The following MCPH1 variants were observed in gnomAD, a reference collection of about 807,000 sequenced individuals.
The protein encoded by MCPH1 is microcephalin.
A neutral mutation model predicts 84.5 loss-of-function variants in MCPH1; 104 were observed. That is an observed-to-expected ratio of 1.23 (90% confidence interval 1.05 to 1.45). The LOEUF is 1.45. Among genes scored for constraint, MCPH1 ranks in the 40% most tolerant of loss-of-function variants. MCPH1 has a pLI of 0.00. For missense variants in MCPH1, 1,498 were observed against 1,005.7 expected, an observed-to-expected ratio of 1.49 and a Z score of -6.62; for synonymous variants, 514 against 366.8, an observed-to-expected ratio of 1.40 and a Z score of -4.58.
chr8:6,540,504 G>C (rs1482315975), intron 12 of MCPH1, among the ~76,000 whole-genome samples: 1 of 152,238 alleles, frequency 6.6e-6, no homozygotes, highest in Non-Finnish European at 1.5e-5. Context: ...ATGTCTGTGA[G>C]CGTGCAGCCT....
At chr8:6,447,428 T>G in intron 8 of MCPH1, 3 of 985,350 alleles carry the variant, frequency 3.0e-6, no homozygotes, top group Non-Finnish European at 3.6e-6. Context: ...CACTTTTACT[T>G]GTTGCTGTTG....
At chr8:6,533,576 T>C (rs1425344756) in intron 12 of MCPH1, among the ~76,000 whole-genome samples, 5 of 124,304 alleles carry the variant, frequency 4.0e-5, no homozygotes, top group African/African-American at 1.6e-4. Context: ...TTTCTTTTTT[T>C]TTTTTTTTTT....
intron 13 of MCPH1, chr8:6,627,284 G>A (rs761253062): frequency 4.5e-5 from 44 of 985,324 alleles, no homozygotes; most frequent in Middle Eastern, 5.2e-4. Context: ...GGAACCAGTC[G>A]CAGAGAGGGG....
intron 12 of MCPH1, among the ~76,000 whole-genome samples, chr8:6,586,429 C>T (rs983563963): frequency 6.6e-6 from 1 of 152,234 alleles, no homozygotes; most frequent in Non-Finnish European, 1.5e-5. Flanking sequence ...AGCCTCCACG[C>T]TTCCCTGTGA....
chr8:6,451,337 A>G (rs1308257680), intron 8 of MCPH1, among the ~76,000 whole-genome samples: 1 of 152,226 alleles, frequency 6.6e-6, no homozygotes, highest in African/African-American at 2.4e-5. Context: ...CGTATCTACT[A>G]TGTCCAATGT....
rs1804028189 is a variant in MCPH1, at chr8:6,444,762, C to T, written c.1040C>T (p.Ser347Leu). Residue 347 changes from serine to leucine, a missense_variant, in exon 8 of 14, where the codon TCA becomes TTA. Coordinates refer to ENST00000344683, the MANE Select transcript of MCPH1 (RefSeq NM_024596.5). Reference protein sequence around the residue: ...SSTKGHLLIHSRPRSSSVKRK... With the variant: ...SSTKGHLLIHLRPRSSSVKRK... ...ACAAAAGGCCACCTTTTGATACATT[C>T]AAGACCCAGGAGTTCCTCAGTAAAG... 1.9e-6 allele frequency: 3 copies of T among 1,614,066 alleles called. No homozygotes were observed. Among genetic ancestry groups the T allele is most frequent in the South Asian group, 1.1e-5 (1 of 91,072 alleles).
chr8:6,441,527 G>T (rs1293170497), intron 6 of MCPH1, among the ~76,000 whole-genome samples: 2 of 152,014 alleles, frequency 1.3e-5, no homozygotes, highest in African/African-American at 4.8e-5. Flanking sequence ...TAATACTTAC[G>T]ATCTTATTTG....
intron 11 of MCPH1, among the ~76,000 whole-genome samples, chr8:6,485,859 C>A (rs1809826781): frequency 6.6e-6 from 1 of 152,006 alleles, no homozygotes; most frequent in African/African-American, 2.4e-5. Context: ...ATGGTAACCG[C>A]AATGGTAACC....
At chr8:6,421,957 G>A (rs113144022) in intron 3 of MCPH1, among the ~76,000 whole-genome samples, 2 of 152,310 alleles carry the variant, frequency 1.3e-5, no homozygotes, top group Non-Finnish European at 2.9e-5. Flanking sequence ...CAGTTTTGTA[G>A]TCAGCTCCTT....
chr8:6,464,561 A>T (rs1469111785), intron 9 of MCPH1, among the ~76,000 whole-genome samples: 1 of 152,210 alleles, frequency 6.6e-6, no homozygotes, highest in Non-Finnish European at 1.5e-5. Context: ...ACGTGGTAGA[A>T]ATGAGGACCA....
At chr8:6,501,814 C>T (rs1389527686) in intron 12 of MCPH1, 2 of 152,080 alleles carry the variant, frequency 1.3e-5, no homozygotes, top group Non-Finnish European at 2.9e-5. Flanking sequence ...ACCTTGCCTA[C>T]CAATGTACTG....
intron 12 of MCPH1, among the ~76,000 whole-genome samples, chr8:6,578,563 CTATT>C (rs1339462127): frequency 6.6e-6 from 1 of 152,102 alleles, no homozygotes; most frequent in African/African-American, 2.4e-5. Flanking sequence ...GTTTTTTCCT[CTATT>C]TAAGAGCAGA....
chr8:6,639,058 T>C (rs754028108), intron 13 of MCPH1, among the ~76,000 whole-genome samples: 50 of 152,362 alleles, frequency 3.3e-4, no homozygotes, highest in Non-Finnish European at 5.1e-4. Context: ...AGGTTACATG[T>C]AGGCTTCTGT....
rs1450106183 is a variant in MCPH1 at position 6,499,870 on chromosome 8, T to C, written c.2155T>C (p.Leu719=). The C allele has an allele frequency of 3.1e-6, 5 of 1,613,366 alleles. No individual in the cohort carries two copies. The highest frequency in any genetic ancestry group is 1.7e-5 in the Admixed American group (1 of 60,020). The change falls in exon 12 of 14, where the codon TTG becomes CTG. Residue 719 remains leucine, a synonymous_variant. Coordinates refer to ENST00000344683, the MANE Select transcript of MCPH1 (RefSeq NM_024596.5). ...SYDWVLWSLE[L]GHWISEEPFE... is the part of the protein sequence containing the mutation. ...CTTGCAGGTGCTATGGTCTTTAGAA[T>C]TGGGTCACTGGATTTCTGAGGAGCC...
chr8:6,541,075 C>A (rs913259927), intron 12 of MCPH1, among the ~76,000 whole-genome samples: 1 of 152,216 alleles, frequency 6.6e-6, no homozygotes, highest in African/African-American at 2.4e-5. Flanking sequence ...TTGGAGCCAA[C>A]GTCCCTAGGC....
At chr8:6,580,192 G>A (rs1174662557) in intron 12 of MCPH1, among the ~76,000 whole-genome samples, 1 of 152,162 alleles carries the variant, frequency 6.6e-6, no homozygotes, top group Non-Finnish European at 1.5e-5. Flanking sequence ...CTGAGCATAT[G>A]ACGGCCTCAG....
chr8:6,511,418 G>A (rs764168806), intron 12 of MCPH1, among the ~76,000 whole-genome samples: 1 of 152,096 alleles, frequency 6.6e-6, no homozygotes, highest in Non-Finnish European at 1.5e-5. Context: ...TGTGAAAAGT[G>A]ATGAATTTTT....
intron 12 of MCPH1, among the ~76,000 whole-genome samples, chr8:6,503,566 C>A (rs1337099952): frequency 3.3e-5 from 5 of 152,194 alleles, no homozygotes; most frequent in African/African-American, 1.2e-4. Flanking sequence ...TACACACTTA[C>A]AGCAGGAGTA....
intron 12 of MCPH1, among the ~76,000 whole-genome samples, chr8:6,504,404 A>T (rs1812857320): frequency 6.6e-6 from 1 of 151,762 alleles, no homozygotes; most frequent in African/African-American, 2.4e-5. Context: ...TGCCCACTTC[A>T]TCCCTCCCAG....
Sources: gnomAD v4.1 joint callset for allele counts (sites outside exome capture counted in the v4.1 genomes callset) on GRCh38, gnomAD v4.1.1 for gene constraint, MANE v1.5 for transcripts, NCBI Gene and HGNC (gene_info 2026-07-23, HGNC 2026-07-21) for gene names.